Variants in GREB1L observed in about 807,000 individuals in gnomAD.
The protein encoded by GREB1L is GREB1 like retinoic acid receptor coactivator, also known as GREB1-like protein.
A neutral mutation model predicts 200.8 loss-of-function variants in GREB1L; 17 were observed. The ratio of observed to expected loss-of-function variants is 0.08; its 90% CI spans 0.06 to 0.13. GREB1L has a LOEUF of 0.13. Among genes scored for constraint, GREB1L ranks in the 10% least tolerant of loss-of-function variants. The probability of loss-of-function intolerance (pLI) is 1.00; values close to 1 mark genes in which losing one functional copy is unlikely to be tolerated. For missense variants in GREB1L, 1,657 were observed against 2,367.7 expected (o/e 0.70, Z 6.23); for synonymous variants, 789 against 893.0 (o/e 0.88, Z 2.08).
chr18:21,439,499 C>T (rs567452112), intron 7 of GREB1L, 22 bp from the exon 8 acceptor site: 2 of 1,408,898 alleles, frequency 1.4e-6, no homozygotes, highest in Admixed American at 2.0e-5. Flanking sequence ...GTTCTGAGCA[C>T]TCCTCTCCTT....
At chr18:21,256,383 G>A (rs1325864236) in intron 1 of GREB1L, among the ~76,000 whole-genome samples, 1 of 152,104 alleles carries the variant, frequency 6.6e-6, no homozygotes, top group African/African-American at 2.4e-5. Flanking sequence ...TCACAAGTTG[G>A]AGCACAGTGA....
intron 12 of GREB1L, 154 bp from the exon 13 acceptor site, chr18:21,450,869 A>T (rs1295934601): frequency 1.6e-6 from 1 of 611,456 alleles, no homozygotes. Context: ...CAAATGCTAT[A>T]TAATTGTCCA....
chr18:21,434,239 CCAAT>C (rs2033363104), intron 7 of GREB1L, among the ~76,000 whole-genome samples: 1 of 152,046 alleles, frequency 6.6e-6, no homozygotes, highest in Admixed American at 6.6e-5. Flanking sequence ...CTTTGGGAGG[CCAAT>C]CCAGGTGGAT....
chr18:21,294,530 A>G (rs1437205753), intron 1 of GREB1L, among the ~76,000 whole-genome samples: 1 of 152,062 alleles, frequency 6.6e-6, no homozygotes, highest in African/African-American at 2.4e-5. Flanking sequence ...TCCTTGAGGC[A>G]TTAGGAACAT....
intron 1 of GREB1L, among the ~76,000 whole-genome samples, chr18:21,274,376 G>GTA (rs149804804): frequency 0.013 from 1,887 of 150,836 alleles, 42 homozygotes; most frequent in African/African-American, 0.042. Context: ...CAAATACCAA[G>GTA]TATATATATA....
chr18:21,510,656 A>G (rs1389147213), intron 27 of GREB1L, among the ~76,000 whole-genome samples: 1 of 152,226 alleles, frequency 6.6e-6, no homozygotes, highest in East Asian at 1.9e-4. Context: ...GAACACAGGT[A>G]TACAAATATC....
chr18:21,318,352 C>T lies in GREB1L; in HGVS notation c.-119-47675C>T, dbSNP rs575111371. Among the ~76,000 whole-genome samples, 135 of 152,152 alleles carry T rather than the reference C, an allele frequency of 8.9e-4. 1 individual carries two copies. Among genetic ancestry groups the T allele is most frequent in the Non-Finnish European group, 1.6e-3 (112 of 68,016 alleles). On this transcript the variant is annotated intron_variant, in intron 1 of 32. Coordinates refer to ENST00000424526, the MANE Select transcript of GREB1L (RefSeq NM_001142966.3). ...CTAGTCCTTAAATTCAGATGAAAAC[C>T]CCTGGTATCTTATAGGTTTTTCGGA...
chr18:21,467,952 G>A (rs1485913543), intron 15 of GREB1L, among the ~76,000 whole-genome samples: 3 of 151,344 alleles, frequency 2.0e-5, no homozygotes, highest in African/African-American at 4.9e-5. Context: ...ATGAACCCGG[G>A]AGGTGGAGCT....
chr18:21,408,719 G>A (rs1286729200), intron 7 of GREB1L, among the ~76,000 whole-genome samples: 1 of 151,376 alleles, frequency 6.6e-6, no homozygotes, highest in Non-Finnish European at 1.5e-5. Context: ...ACTTGAACCC[G>A]GCAGGTGGAG....
intron 1 of GREB1L, among the ~76,000 whole-genome samples, chr18:21,249,235 T>C (rs2037659217): frequency 6.6e-6 from 1 of 152,160 alleles, no homozygotes; most frequent in Non-Finnish European, 1.5e-5. Context: ...GACAGAGCTT[T>C]CCCTTTTTAG....
At chr18:21,348,206 A>G (rs1322846554) in intron 1 of GREB1L, among the ~76,000 whole-genome samples, 8 of 151,448 alleles carry the variant, frequency 5.3e-5, no homozygotes, top group African/African-American at 9.7e-5. Flanking sequence ...GAGCCTCCGA[A>G]CGTGCTGGGA....
chr18:21,294,880 A>C (rs2038502895), intron 1 of GREB1L, among the ~76,000 whole-genome samples: 1 of 152,130 alleles, frequency 6.6e-6, no homozygotes, highest in Non-Finnish European at 1.5e-5. Flanking sequence ...TGACTTAGAG[A>C]TCAATCTCTT....
intron 7 of GREB1L, among the ~76,000 whole-genome samples, chr18:21,439,031 A>T (rs1272210067): frequency 6.6e-6 from 1 of 152,032 alleles, no homozygotes; most frequent in Non-Finnish European, 1.5e-5. Context: ...TATGTACAAA[A>T]ATGATATGGG....
chr18:21,482,850 G>A (rs906117), intron 17 of GREB1L, among the ~76,000 whole-genome samples: 1 of 152,190 alleles, frequency 6.6e-6, no homozygotes, highest in Non-Finnish European at 1.5e-5. Flanking sequence ...TGCCTTATGA[G>A]AAGGGACATT....
chr18:21,430,559 C>A (rs1468449341), intron 7 of GREB1L, among the ~76,000 whole-genome samples: 1 of 96,698 alleles, frequency 1.0e-5, no homozygotes, highest in Non-Finnish European at 2.2e-5. Context: ...TGGGATCACT[C>A]TTAAGGTGAT....
At position 21,516,725 on chromosome 18, in the gene GREB1L, A is replaced by C; in HGVS notation, c.5242A>C (p.Arg1748=). 1 of 1,551,640 alleles carries C rather than the reference A, an allele frequency of 6.4e-7. No individual in the cohort carries two copies. Among genetic ancestry groups the C allele is most frequent in the South Asian group, 1.2e-5 (1 of 84,056 alleles). ...MKKHVQVGGQ[R]DFIIKPKIMV... is the part of the protein sequence containing the mutation. ...GAAACATGTTCAGGTTGGAGGGCAAAGGGACTTTATCATTAAACCAAAGAT... is the reference window on the plus strand; with the variant it reads ...GAAACATGTTCAGGTTGGAGGGCAACGGGACTTTATCATTAAACCAAAGAT... The change falls in exon 30 of 33, where the codon AGG becomes CGG. Residue 1748 remains arginine (R), a synonymous_variant. Transcript: ENST00000424526.
chr18:21,506,120 C>A (rs548452033), intron 25 of GREB1L, among the ~76,000 whole-genome samples, 171 bp downstream of exon 25: 1 of 151,984 alleles, frequency 6.6e-6, no homozygotes, highest in Non-Finnish European at 1.5e-5. Flanking sequence ...GAAGGCTGGG[C>A]GCGGTGGCTC....
At chr18:21,406,057 C>CT (rs1555640012) in intron 7 of GREB1L, among the ~76,000 whole-genome samples, 1 of 64,092 alleles carries the variant, frequency 1.6e-5, no homozygotes, top group Non-Finnish European at 2.5e-5. Flanking sequence ...CAGACCCTGT[C>CT]TAAAAAAAAA....
chr18:21,460,336 A>G (rs1598878198), intron 15 of GREB1L, among the ~76,000 whole-genome samples: 1 of 151,752 alleles, frequency 6.6e-6, no homozygotes, highest in East Asian at 1.9e-4. Flanking sequence ...CACCATGCCC[A>G]GCTAATTTTT....
Sources: allele counts gnomAD v4.1 joint callset (sites outside exome capture counted in the v4.1 genomes callset), GRCh38; gene constraint gnomAD v4.1.1; transcripts MANE v1.5; gene names NCBI Gene and HGNC (gene_info 2026-07-23, HGNC 2026-07-21).